The following GSE1 variants were observed in gnomAD, a reference collection of about 807,000 sequenced individuals.
GSE1 encodes the protein Gse1 coiled-coil protein.
A neutral mutation model predicts 112.6 loss-of-function variants in GSE1; 32 were observed. The observed-to-expected ratio is 0.28, with a 90% CI of 0.21 to 0.38. GSE1 has a LOEUF of 0.38. GSE1 is among the 10% of genes least tolerant of loss of function. The pLI is 1.00. For missense variants in GSE1, 2,348 were observed against 1,699.2 expected, an observed-to-expected ratio of 1.38 and a Z score of -6.71; for synonymous variants, 1,115 against 735.6, an observed-to-expected ratio of 1.52 and a Z score of -8.35.
intron 1 of GSE1, among the ~76,000 whole-genome samples, chr16:85,281,990 C>T (rs1477398651): frequency 6.6e-6 from 1 of 151,980 alleles, no homozygotes; most frequent in Non-Finnish European, 1.5e-5. Flanking sequence ...GTGCCGGGTG[C>T]CACAGCCGGG....
intron 1 of GSE1, among the ~76,000 whole-genome samples, chr16:85,293,618 C>G (rs1026098284): frequency 6.6e-6 from 1 of 152,124 alleles, no homozygotes; most frequent in South Asian, 2.1e-4. Flanking sequence ...TCTGGAGATC[C>G]GAAGTCCGGA....
rs202054304 is a variant in GSE1, at chr16:85,633,952, C to T, written c.46C>T (p.Leu16Phe). ...GCCCAAGTCCCCTTCGCTAGGGATG[C>T]TTTCCACCGCGACCAGGACCACCGC... ...HEPKSPSLGM[L>F]STATRTTATV... The change falls in exon 2 of 16, where the codon CTT becomes TTT. Residue 16 changes from leucine to phenylalanine, a missense_variant. Coordinates refer to ENST00000253458, the MANE Select transcript of GSE1 (RefSeq NM_014615.5). 728 of 1,612,768 alleles carry T rather than the reference C, an allele frequency of 4.5e-4. No homozygotes were observed. Among genetic ancestry groups the T allele is most frequent in the Non-Finnish European group, 5.7e-4 (670 of 1,179,640 alleles).
upstream of GSE1, among the ~76,000 whole-genome samples, chr16:85,552,313 C>T (rs561908104): frequency 7.5e-5 from 9 of 119,688 alleles, no homozygotes; most frequent in South Asian, 2.6e-3. Flanking sequence ...GCGTGAACCA[C>T]CGCACCCGCC....
chr16:85,570,510 C>T (rs926969215), intron 1 of GSE1, among the ~76,000 whole-genome samples: 15 of 152,216 alleles, frequency 9.9e-5, no homozygotes, highest in African/African-American at 2.4e-4. Context: ...GCTATTGAAA[C>T]CCATAACTCC....
At chr16:85,305,166 G>A (rs2045642670) in intron 1 of GSE1, among the ~76,000 whole-genome samples, 1 of 152,200 alleles carries the variant, frequency 6.6e-6, no homozygotes, top group African/African-American at 2.4e-5. Context: ...CCCCATGACT[G>A]GAGCAGGGTC....
chr16:85,561,180 A>G (rs893982728), intron 1 of GSE1, among the ~76,000 whole-genome samples: 1 of 151,828 alleles, frequency 6.6e-6, no homozygotes, highest in African/African-American at 2.4e-5. Flanking sequence ...TGCTTCGTCT[A>G]CTATTCCCAT....
At chr16:85,494,938 C>T (rs1250349973) in intron 2 of GSE1, among the ~76,000 whole-genome samples, 4 of 145,824 alleles carry the variant, frequency 2.7e-5, no homozygotes, top group Non-Finnish European at 4.5e-5. Flanking sequence ...CTTTCTGCAT[C>T]GGACTCCTGC....
intron 1 of GSE1, among the ~76,000 whole-genome samples, chr16:85,195,136 G>A (rs1032096727): frequency 6.6e-6 from 1 of 152,166 alleles, no homozygotes; most frequent in Admixed American, 6.5e-5. Flanking sequence ...GGTGAAGTCA[G>A]CTATCTTATG....
intron 1 of GSE1, among the ~76,000 whole-genome samples, chr16:85,330,625 G>C (rs556019989): frequency 6.6e-6 from 1 of 152,230 alleles, no homozygotes; most frequent in Non-Finnish European, 1.5e-5. Context: ...TCCAGGAAGC[G>C]TGCAGGTGGG....
chr16:85,223,455 G>A (rs938515670), intron 1 of GSE1, among the ~76,000 whole-genome samples: 1 of 149,826 alleles, frequency 6.7e-6, no homozygotes, highest in South Asian at 2.1e-4. Flanking sequence ...CCCGGGAGGT[G>A]GAGGCTGCAG....
intron 2 of GSE1, among the ~76,000 whole-genome samples, chr16:85,461,037 G>A (rs2151823021): frequency 6.6e-6 from 1 of 152,332 alleles, no homozygotes; most frequent in Admixed American, 6.5e-5. Context: ...GGAGTGGGAA[G>A]GGAGACCCAG....
chr16:85,187,836 C>G (rs1026244866), intron 1 of GSE1, among the ~76,000 whole-genome samples: 1 of 152,184 alleles, frequency 6.6e-6, no homozygotes, highest in Non-Finnish European at 1.5e-5. Flanking sequence ...GGGAAATGAT[C>G]GCTGTGGTTA....
intron 12 of GSE1, 73 bp from the exon 13 acceptor site, chr16:85,665,903 A>AG: frequency 1.4e-6 from 2 of 1,437,360 alleles, no homozygotes; most frequent in South Asian, 2.3e-5. Flanking sequence ...TCTAGAGACC[A>AG]GGATCTGCGT....
chr16:85,213,286 AAAAG>A (rs1479522893), intron 1 of GSE1, among the ~76,000 whole-genome samples: 2 of 151,784 alleles, frequency 1.3e-5, no homozygotes, highest in Non-Finnish European at 1.5e-5. Flanking sequence ...AAAAAAAAGA[AAAAG>A]AAAAAGTTAG....
intron 2 of GSE1, among the ~76,000 whole-genome samples, chr16:85,542,785 GAGTCACATGACCTCCTCCCA>G (rs1312893827): frequency 5.3e-5 from 8 of 152,208 alleles, no homozygotes; most frequent in Admixed American, 1.3e-4. Context: ...TGATACTTGT[GAGTCACATGACCTCCTCCCA>G]AGTCCAGCAC....
intron 1 of GSE1, among the ~76,000 whole-genome samples, chr16:85,321,715 G>T (rs1447246224): frequency 6.6e-6 from 1 of 151,854 alleles, no homozygotes. Context: ...TTGGGTGGCT[G>T]AGGCAGGGGG....
Position 85,176,656 on chromosome 16 carries a change from G to A in GSE1, c.2283+4849G>A, listed in dbSNP as rs569994556. On this transcript the variant is annotated intron_variant, in intron 1 of 2. Transcript: ENST00000637419. ...GAGAGCATTCTGGTTAATGGCGCAT[G>A]CAGCTGTTTACCTAACCATACCCCA... Among the ~76,000 whole-genome samples, 4 of 152,392 alleles carry A rather than the reference G, an allele frequency of 2.6e-5. No homozygotes were observed. The East Asian group carries it at 7.7e-4, about 29-fold the overall frequency.
chr16:85,205,597 C>G (rs1009847813), intron 1 of GSE1, among the ~76,000 whole-genome samples: 2 of 151,936 alleles, frequency 1.3e-5, no homozygotes, highest in African/African-American at 4.8e-5. Context: ...ACACTCATCC[C>G]CCACAGCCCC....
chr16:85,614,673 C>T (rs980545879), intron 1 of GSE1, among the ~76,000 whole-genome samples: 25 of 152,316 alleles, frequency 1.6e-4, no homozygotes, highest in African/African-American at 4.8e-4. Flanking sequence ...CCCAGCTGGG[C>T]GGTGGATGCC....
Sources: gnomAD v4.1 joint callset for allele counts (sites outside exome capture counted in the v4.1 genomes callset) on GRCh38, gnomAD v4.1.1 for gene constraint, MANE v1.5 for transcripts, NCBI Gene and HGNC (gene_info 2026-07-23, HGNC 2026-07-21) for gene names.